The following NTRK1 variants were observed in gnomAD, a reference collection of about 807,000 sequenced individuals.
NTRK1 encodes the protein high affinity nerve growth factor receptor.
NTRK1 carries 62 observed loss-of-function variants against 86.8 expected under a neutral mutation model. The observed-to-expected ratio is 0.71, with a 90% CI of 0.58 to 0.88. The LOEUF (loss-of-function observed/expected upper bound fraction) is 0.88, where lower values mean the gene tolerates loss of function less well. Ranked by LOEUF, NTRK1 falls within the 40% of genes least tolerant of loss-of-function variation. NTRK1 has a pLI of 0.00. For missense variants in NTRK1, 967 were observed against 1,078.4 expected (o/e 0.90, Z 1.45); for synonymous variants, 469 against 456.6 (o/e 1.03, Z -0.35).
chr1:156,875,970 C>A, intron 12 of NTRK1, 110 bp from the exon 13 acceptor site: 3 of 1,540,470 alleles, frequency 1.9e-6, no homozygotes, highest in Non-Finnish European at 2.7e-6. Flanking sequence ...CCCATGCAGT[C>A]CCTCGTCTGG....
At chr1:156,851,180 G>T in intron 2 of NTRK1, 2 of 1,189,644 alleles carry the variant, frequency 1.7e-6, no homozygotes, top group Non-Finnish European at 2.5e-6. Context: ...AGAGTCACAC[G>T]CCTAGTGAGT....
Position 156,868,486 on chromosome 1 carries a change from G to C in NTRK1, c.575-19G>C, listed in dbSNP as rs370828525. Reference sequence around the variant, plus strand: ...CCAGCTCTAACACCCCTTGGCCCTCGGGCGTCCTGGGTGGCCAGGTGTGCC... The same window carrying C: ...CCAGCTCTAACACCCCTTGGCCCTCCGGCGTCCTGGGTGGCCAGGTGTGCC... On this transcript the variant is annotated intron_variant, in intron 5 of 16. Coordinates refer to ENST00000524377, the MANE Select transcript of NTRK1 (RefSeq NM_002529.4). The C allele has an allele frequency of 6.4e-7, 1 of 1,553,882 alleles. No individual in the cohort carries two copies. Among genetic ancestry groups the C allele is most frequent in the South Asian group, 1.2e-5 (1 of 84,226 alleles).
At position 156,871,752 on chromosome 1, in the gene NTRK1, T is replaced by A; in HGVS notation, c.847T>A (p.Ser283Thr). 2 of 1,614,108 alleles carry A rather than the reference T, an allele frequency of 1.2e-6. No individual in the cohort carries two copies. Among genetic ancestry groups the A allele is most frequent in the Non-Finnish European group, 1.7e-6 (2 of 1,180,002 alleles). The change falls in exon 7 of 17, where the codon TCC becomes ACC. Residue 283 changes from serine (S) to threonine (T), a missense_variant. Coordinates refer to ENST00000524377, the MANE Select transcript of NTRK1 (RefSeq NM_002529.4). ...RAEVSVQVNV[S>T]FPASVQLHTA... ...AGAGGTCTCTGTTCAGGTCAACGTC[T>A]CCTGTGAGTCTCAGTGGCAGCTCCG...
intron 7 of NTRK1, among the ~76,000 whole-genome samples, chr1:156,872,399 T>C (rs1647614306): frequency 6.6e-6 from 1 of 152,150 alleles, no homozygotes; most frequent in South Asian, 2.1e-4. Context: ...CAAATATGCT[T>C]TCCTATCGGT....
chr1:156,875,465 T>A (rs1647843020), intron 11 of NTRK1, 55 bp from the exon 12 acceptor site: 1 of 1,610,304 alleles, frequency 6.2e-7, no homozygotes, highest in South Asian at 1.1e-5. Flanking sequence ...CAGGCAAGGG[T>A]GGGCAGGGCC....
chr1:156,844,602 G>A (rs760531063), intron 2 of NTRK1: 2 of 1,614,042 alleles, frequency 1.2e-6, no homozygotes, highest in African/African-American at 1.3e-5. Flanking sequence ...TCGAAGACGG[G>A]ACACACACAG....
intron 1 of NTRK1, among the ~76,000 whole-genome samples, chr1:156,831,946 G>A (rs557492455): frequency 2.0e-5 from 3 of 152,296 alleles, no homozygotes; most frequent in Non-Finnish European, 4.4e-5. Flanking sequence ...TAGCCCCAGG[G>A]ACTGAGGTCC....
rs185255066 is a variant in NTRK1 at position 156,873,567 on chromosome 1, C to A, written c.851-66C>A. On this transcript the variant is annotated intron_variant, in intron 7 of 16. Coordinates refer to ENST00000524377, the MANE Select transcript of NTRK1 (RefSeq NM_002529.4). ...CTACTCGCTTTGCCCGTGGACTTGT[C>A]GGGTGTGTGCCAGGCTCCCTCCAGC... The A allele has an allele frequency of 2.9e-6, 4 of 1,395,224 alleles. No individual in the cohort carries two copies. The African/African-American group carries it at 4.3e-5, about 15-fold the overall frequency. The allele number at this position is 1,395,224 out of a possible 1,614,324, so 86.4% of individuals were successfully genotyped here.
At position 156,874,627 on chromosome 1, in the gene NTRK1, G is replaced by A. The variant is rs754483923; in HGVS notation, c.1251+1G>A. 6.2e-7 allele frequency: 1 copy of A among 1,613,362 alleles called. No homozygotes were observed. The highest frequency in any genetic ancestry group is 8.5e-7 in the Non-Finnish European group (1 of 1,179,610). ...GAAGAAGGACGAAACACCTTTTGGG[G>A]TGAGATAGGAAGTAGAAGCTTGTGC... On this transcript the variant is annotated splice_donor_variant, in intron 10 of 16. Coordinates refer to ENST00000524377, the MANE Select transcript of NTRK1 (RefSeq NM_002529.4). LOFTEE classifies it high-confidence loss of function.
upstream of NTRK1, chr1:156,860,732 G>A (rs1042813831): frequency 9.5e-5 from 97 of 1,017,186 alleles, 1 homozygote; most frequent in Middle Eastern, 1.4e-3. Flanking sequence ...TAACAGGGGA[G>A]GGGGCAGAGG....
Position 156,873,618 on chromosome 1 carries a change from C to G in NTRK1, c.851-15C>G, listed in dbSNP as rs1436583513. On this transcript the variant is annotated splice_polypyrimidine_tract_variant and intron_variant, in intron 7 of 16. Coordinates refer to ENST00000524377, the MANE Select transcript of NTRK1 (RefSeq NM_002529.4). ...TGCGCCCTGACCTCCTGCTGTTGCT[C>G]TTTCTGGCCCACAGTCCCGGCCAGT... 1.9e-6 allele frequency: 3 copies of G among 1,609,056 alleles called. No homozygotes were observed. The highest frequency in any genetic ancestry group is 4.5e-5 in the East Asian group (2 of 44,832).
At chr1:156,842,247 C>T in intron 2 of NTRK1, 1 of 1,614,044 alleles carries the variant, frequency 6.2e-7, no homozygotes, top group Non-Finnish European at 8.5e-7. Context: ...TCCCCCAATG[C>T]TGGCTGTGGG....
intron 2 of NTRK1, chr1:156,848,847 C>T (rs374472136): frequency 1.3e-6 from 2 of 1,507,228 alleles, no homozygotes; most frequent in East Asian, 2.5e-5. Flanking sequence ...GCTCCGCCCT[C>T]ACCTGCCTGT....
At chr1:156,844,877 A>C in intron 2 of NTRK1, 1 of 1,612,404 alleles carries the variant, frequency 6.2e-7, no homozygotes, top group East Asian at 2.2e-5. Flanking sequence ...CCGGGCCAAA[A>C]GTGGTTCATC....
In NTRK1 at chr1:156,874,996, T is replaced by C. The variant is rs778835395; in HGVS notation, c.1342T>C (p.Phe448Leu). Residue 448 changes from phenylalanine to leucine, a missense_variant, in exon 11 of 17, where the codon TTT becomes CTT. This residue lies in a region of NTRK1 where 637 missense variants were observed against 776.5 expected (regional missense o/e 0.82). Coordinates refer to ENST00000524377, the MANE Select transcript of NTRK1 (RefSeq NM_002529.4). The part of the protein sequence containing the change: ...VLNKCGRRNK[F>L]GINRPAVLAP... ...CAACAAATGTGGACGGAGAAACAAGTTTGGGATCAACCGTGAGTCGGGGCT... is the reference window on the plus strand; with the variant it reads ...CAACAAATGTGGACGGAGAAACAAGCTTGGGATCAACCGTGAGTCGGGGCT... The C allele has an allele frequency of 1.9e-6, 3 of 1,612,946 alleles. No homozygotes were observed. Among genetic ancestry groups the C allele is most frequent in the African/African-American group, 2.7e-5 (2 of 74,778 alleles).
intron 1 of NTRK1, 72 bp from the exon 2 acceptor site, chr1:156,864,282 G>A: frequency 7.0e-7 from 1 of 1,427,328 alleles, no homozygotes; most frequent in Non-Finnish European, 9.9e-7. Context: ...GTATTGTGAG[G>A]GAGTAAGTGG....
chr1:156,864,010 G>A (rs1299901408), intron 1 of NTRK1, among the ~76,000 whole-genome samples: 1 of 152,198 alleles, frequency 6.6e-6, no homozygotes, highest in Admixed American at 6.5e-5. Flanking sequence ...GGCGTCATCT[G>A]TGCAGATGCT....
intron 1 of NTRK1, among the ~76,000 whole-genome samples, chr1:156,817,090 C>G (rs1439483181): frequency 1.9e-5 from 1 of 53,948 alleles, no homozygotes; most frequent in African/African-American, 4.8e-5. Context: ...CTCTTGGCTT[C>G]TATTTCTTTC....
chr1:156,881,777 G>C lies in NTRK1; in HGVS notation c.*135G>C. 1.2e-6 allele frequency: 1 copy of C among 850,382 alleles called. No homozygotes were observed. 52.7% of individuals were successfully genotyped at this position (850,382 alleles called of 1,614,324 possible). A position where few individuals can be genotyped will look rare whatever the true frequency, so the allele number is the denominator to read the frequency against. On this transcript the variant is annotated 3_prime_UTR_variant, in exon 17 of 17. Coordinates refer to ENST00000524377, the MANE Select transcript of NTRK1 (RefSeq NM_002529.4). ...CTCAGCATGTGGGAAGGGACAGGTG[G>C]GGGCTGGGAGTAGAGGATGTTCCTG...
Sources: allele counts gnomAD v4.1 joint callset (sites outside exome capture counted in the v4.1 genomes callset), GRCh38; gene constraint gnomAD v4.1.1; regional missense constraint gnomAD v4.1.1; transcripts MANE v1.5; gene names NCBI Gene and HGNC (gene_info 2026-07-23, HGNC 2026-07-21).